The following ADD1 variants were observed in gnomAD, a reference collection of about 807,000 sequenced individuals.
The protein encoded by ADD1 is adducin 1, also known as alpha-adducin.
A neutral mutation model predicts 80.5 loss-of-function variants in ADD1; 24 were observed. The ratio of observed to expected loss-of-function variants is 0.30; its 90% confidence interval spans 0.22 to 0.42. The LOEUF (loss-of-function observed/expected upper bound fraction) is 0.42, where lower values mean the gene tolerates loss of function less well. Among genes scored for constraint, ADD1 ranks in the 10% least tolerant of loss-of-function variants. The pLI is 1.00. For synonymous variants in ADD1, 373 were observed against 393.8 expected (o/e 0.95, Z 0.63); for missense variants, 948 against 1,019.0 (o/e 0.93, Z 0.95).
intron 13 of ADD1, among the ~76,000 whole-genome samples, chr4:2,911,448 A>ATATTTTTTTTTTT (rs553567632): frequency 7.7e-6 from 1 of 130,520 alleles, no homozygotes; most frequent in Non-Finnish European, 1.6e-5. Context: ...ATATATATAT[A>ATATTTTTTTTTTT]TTTTTTTTTT....
At chr4:2,849,174 G>C (rs1482615181) in intron 1 of ADD1, among the ~76,000 whole-genome samples, 1 of 152,108 alleles carries the variant, frequency 6.6e-6, no homozygotes, top group Non-Finnish European at 1.5e-5. Flanking sequence ...TATCTTACAT[G>C]GTTATTGTGA....
intron 9 of ADD1, chr4:2,900,267 C>G (rs1447192654): frequency 6.6e-6 from 1 of 152,630 alleles, no homozygotes; most frequent in African/African-American, 2.4e-5. Flanking sequence ...ATTAAATACT[C>G]AGTTCTTAGA....
Position 2,899,311 on chromosome 4 carries a change from C to G in ADD1, c.1037C>G (p.Pro346Arg). ...GGPDNLVLLN[P>R]EKYKAKSRSP... ...CCAGACAACTTAGTCCTGCTGAATC[C>G]TGAGAAGTACAAAGCCAAGTCCCGT... Residue 346 changes from proline (P) to arginine (R), a missense_variant, in exon 9 of 16, where the codon CCT becomes CGT. Physicochemically the swap from Pro to Arg is moderately radical, Grantham distance 103. Coordinates refer to ENST00000683351, the MANE Select transcript of ADD1 (RefSeq NM_001354761.2). 1 of 1,614,182 alleles carries G rather than the reference C, an allele frequency of 6.2e-7. No individual in the cohort carries two copies. The highest frequency in any genetic ancestry group is 8.5e-7 in the Non-Finnish European group (1 of 1,180,034).
intron 2 of ADD1, 58 bp from the exon 3 acceptor site, chr4:2,881,840 C>A: frequency 6.7e-7 from 1 of 1,486,678 alleles, no homozygotes; most frequent in Non-Finnish European, 9.0e-7. Context: ...TACTTCTGAC[C>A]CCCTGCCCAA....
At chr4:2,863,620 A>G (rs1045029751) in intron 1 of ADD1, among the ~76,000 whole-genome samples, 5 of 152,202 alleles carry the variant, frequency 3.3e-5, no homozygotes, top group African/African-American at 9.6e-5. Flanking sequence ...TAGCCACCCT[A>G]CAGTGAGTGT....
rs1049234440 is a variant in ADD1, at chr4:2,928,770, G to A, written c.*247G>A. ...GGGGGAGACATGCTCTCCCCACAGG[G>A]GGGAGGCACTAAGTCATGGTCCTGG... On this transcript the variant is annotated 3_prime_UTR_variant, in exon 16 of 16. Transcript: ENST00000683351. 2.0e-5 allele frequency: 10 copies of A among 503,712 alleles called. No individual in the cohort carries two copies. Among genetic ancestry groups the A allele is most frequent in the Non-Finnish European group, 3.1e-5 (9 of 288,824 alleles). The allele number at this position is 503,712 out of a possible 1,614,324, so 31.2% of individuals were successfully genotyped here. A position where few individuals can be genotyped will look rare whatever the true frequency, so the allele number is the denominator to read the frequency against.
intron 9 of ADD1, among the ~76,000 whole-genome samples, chr4:2,904,191 TTG>T (rs747059766): frequency 5.3e-5 from 8 of 152,108 alleles, no homozygotes; most frequent in African/African-American, 7.2e-5. Flanking sequence ...AGTGTTCAGT[TTG>T]TTCATTTTTA....
chr4:2,857,308 T>A (rs568382639), intron 1 of ADD1, among the ~76,000 whole-genome samples: 1 of 152,318 alleles, frequency 6.6e-6, no homozygotes, highest in East Asian at 1.9e-4. Context: ...TTTAAATTTC[T>A]TTTATTCTAA....
Position 2,898,315 on chromosome 4 carries a change from G to A in ADD1, c.873G>A (p.Gly291=), listed in dbSNP as rs756376615. ...EEKVLIQKNL[G]PKSKVLILRN... ...AAGTTTTGATTCAGAAAAATCTGGGGCCTAAAAGCAAGGTCAGTAGGCATC... is the reference window on the plus strand; with the variant it reads ...AAGTTTTGATTCAGAAAAATCTGGGACCTAAAAGCAAGGTCAGTAGGCATC... The change falls in exon 7 of 16, where the codon GGG becomes GGA. Residue 291 remains glycine, a synonymous_variant. Coordinates refer to ENST00000683351, the MANE Select transcript of ADD1 (RefSeq NM_001354761.2). 1.9e-6 allele frequency: 3 copies of A among 1,614,182 alleles called. No homozygotes were observed. The highest frequency in any genetic ancestry group is 1.7e-6 in the Non-Finnish European group (2 of 1,180,034).
chr4:2,884,477 C>T (rs562835996), intron 3 of ADD1, 38 bp from the exon 4 acceptor site: 1 of 1,558,240 alleles, frequency 6.4e-7, no homozygotes, highest in African/African-American at 1.4e-5. Flanking sequence ...AGGCGTATAC[C>T]ACTGCACCTG....
intron 14 of ADD1, among the ~76,000 whole-genome samples, chr4:2,918,529 G>A (rs1175595396): frequency 3.9e-5 from 6 of 152,090 alleles, no homozygotes; most frequent in Non-Finnish European, 8.8e-5. Flanking sequence ...TGATTGCCGT[G>A]GCCAGAACTT....
chr4:2,903,425 C>T (rs1159945917), intron 9 of ADD1, among the ~76,000 whole-genome samples: 1 of 152,266 alleles, frequency 6.6e-6, no homozygotes, highest in East Asian at 1.9e-4. Context: ...CCAGGCACAG[C>T]GAACTCAACC....
chr4:2,886,225 A>G (rs759744938), intron 4 of ADD1, among the ~76,000 whole-genome samples: 17 of 152,150 alleles, frequency 1.1e-4, no homozygotes, highest in East Asian at 1.9e-4. Flanking sequence ...TCACACACAC[A>G]TGGGTTTTTC....
At chr4:2,909,150 T>G in intron 12 of ADD1, 189 bp from the exon 13 acceptor site, 3 of 595,946 alleles carry the variant, frequency 5.0e-6, no homozygotes, top group Non-Finnish European at 9.1e-6. Flanking sequence ...GGGTAGACGA[T>G]TGTTGGATTT....
intron 14 of ADD1, among the ~76,000 whole-genome samples, chr4:2,923,510 G>A (rs1402366423): frequency 6.6e-6 from 1 of 152,254 alleles, no homozygotes; most frequent in East Asian, 1.9e-4. Context: ...AGGTACCTCA[G>A]TTGGAAATGC....
chr4:2,918,795 T>C (rs1739506356), intron 14 of ADD1, among the ~76,000 whole-genome samples: 1 of 152,208 alleles, frequency 6.6e-6, no homozygotes, highest in African/African-American at 2.4e-5. Context: ...TCATTGGTTC[T>C]ATTTATACGA....
At chr4:2,901,779 T>TA (rs1385581191) in intron 9 of ADD1, 3 of 148,776 alleles carry the variant, frequency 2.0e-5, no homozygotes, top group Non-Finnish European at 3.0e-5. Context: ...CCACAAAAAA[T>TA]AAAAAAATTT....
intron 4 of ADD1, among the ~76,000 whole-genome samples, chr4:2,891,518 G>A (rs1441939190): frequency 6.6e-6 from 1 of 152,150 alleles, no homozygotes; most frequent in Non-Finnish European, 1.5e-5. Context: ...GCATTGCAAA[G>A]AAGTGGGTCA....
At chr4:2,921,292 T>C (rs967105177) in intron 14 of ADD1, among the ~76,000 whole-genome samples, 4 of 152,168 alleles carry the variant, frequency 2.6e-5, no homozygotes, top group Admixed American at 1.3e-4. Flanking sequence ...CATGCCCAGC[T>C]AATTTTTTTG....
Sources: gnomAD v4.1 joint callset for allele counts (sites outside exome capture counted in the v4.1 genomes callset) on GRCh38, gnomAD v4.1.1 for gene constraint, MANE v1.5 for transcripts, NCBI Gene and HGNC (gene_info 2026-07-23, HGNC 2026-07-21) for gene names.